The following AMOTL1 variants were observed in gnomAD, a reference collection of about 807,000 sequenced individuals.
AMOTL1 encodes angiomotin like 1.
Under a neutral mutation model 102.9 loss-of-function variants are expected in AMOTL1, and 45 were observed. The observed-to-expected ratio is 0.44, with a 90% CI of 0.34 to 0.56. The LOEUF (loss-of-function observed/expected upper bound fraction) is 0.56, where lower values mean the gene tolerates loss of function less well. AMOTL1 is among the 20% of genes least tolerant of loss of function. AMOTL1 has a pLI of 0.01. For synonymous variants in AMOTL1, 481 were observed against 484.7 expected (o/e 0.99, Z 0.10); for missense variants, 1,114 against 1,225.6 (o/e 0.91, Z 1.36).
At chr11:94,826,635 C>A (rs1000314161) in intron 4 of AMOTL1, among the ~76,000 whole-genome samples, 5 of 152,172 alleles carry the variant, frequency 3.3e-5, no homozygotes, top group Non-Finnish European at 7.3e-5. Context: ...TCTATTCCTG[C>A]AAAATCCAGT....
At chr11:94,835,511 A>G (rs1952161364) in intron 6 of AMOTL1, among the ~76,000 whole-genome samples, 1 of 152,258 alleles carries the variant, frequency 6.6e-6, no homozygotes, top group African/African-American at 2.4e-5. Context: ...CCAGAAAGCC[A>G]AAAATAAAAT....
intron 1 of AMOTL1, among the ~76,000 whole-genome samples, chr11:94,720,978 T>C (rs1200100014): frequency 2.0e-5 from 3 of 152,122 alleles, no homozygotes; most frequent in Non-Finnish European, 4.4e-5. Flanking sequence ...GAGGGTAAAT[T>C]TCAACAGGTA....
chr11:94,755,761 C>CT (rs1950715981), intron 3 of AMOTL1, among the ~76,000 whole-genome samples: 1 of 152,192 alleles, frequency 6.6e-6, no homozygotes, highest in Admixed American at 6.5e-5. Flanking sequence ...CCCACGGCAG[C>CT]ATCTAGGGTT....
chr11:94,756,069 G>A (rs1272406406), intron 3 of AMOTL1, among the ~76,000 whole-genome samples: 3 of 151,886 alleles, frequency 2.0e-5, no homozygotes, highest in African/African-American at 7.3e-5. Flanking sequence ...GAGTCAGGCT[G>A]CTCAGCAGCC....
chr11:94,854,296 C>T lies in AMOTL1; in HGVS notation c.1944+214C>T, dbSNP rs114486683. On this transcript the variant is annotated intron_variant, in intron 8 of 12. Coordinates refer to ENST00000433060, the MANE Select transcript of AMOTL1 (RefSeq NM_130847.3). ...GATGTCCTCACAGAGAGAAAGTGGTCGCCAGCTTGGGGCTGGGGAGAGCGG... is the reference window on the plus strand; with the variant it reads ...GATGTCCTCACAGAGAGAAAGTGGTTGCCAGCTTGGGGCTGGGGAGAGCGG... Among the ~76,000 whole-genome samples, 1,185 of 152,222 alleles carry T rather than the reference C, an allele frequency of 7.8e-3. 17 individuals carry two copies. The highest frequency in any genetic ancestry group is 0.027 in the African/African-American group (1,119 of 41,532).
chr11:94,854,319 C>T (rs965883006), intron 8 of AMOTL1, among the ~76,000 whole-genome samples: 2 of 152,064 alleles, frequency 1.3e-5, no homozygotes, highest in African/African-American at 2.4e-5. Flanking sequence ...CTGGGGAGAG[C>T]GGAATGCAGC....
At chr11:94,863,672 C>T (rs191496446) in intron 9 of AMOTL1, among the ~76,000 whole-genome samples, 9 of 152,298 alleles carry the variant, frequency 5.9e-5, no homozygotes, top group Admixed American at 3.9e-4. Context: ...TACATCATGT[C>T]TTACTAATTA....
rs956442508 is a variant in AMOTL1 at position 94,820,990 on chromosome 11, A to T, written c.1122-540A>T. Among the ~76,000 whole-genome samples, 2 of 152,296 alleles carry T rather than the reference A, an allele frequency of 1.3e-5. 1 individual carries two copies. Among genetic ancestry groups the T allele is most frequent in the South Asian group, 4.1e-4 (2 of 4,822 alleles). On this transcript the variant is annotated intron_variant, in intron 3 of 12. Transcript: ENST00000433060. ...TGGCCCAGTCCCTAATAGGCCACAG[A>T]TGTGTACTGGTCCATGGCCCAGTGG...
At position 94,869,181 on chromosome 11, in the gene AMOTL1, C is replaced by A; in HGVS notation, c.2489-17C>A. 6.5e-7 allele frequency: 1 copy of A among 1,541,850 alleles called. No homozygotes were observed. Among genetic ancestry groups the A allele is most frequent in the African/African-American group, 1.4e-5 (1 of 71,594 alleles). ...AAGGAAAAAAAGAATGTTGAAAAATCTGTTCTCTGCCCTCAGGATTGCTGC... is the reference window on the plus strand; with the variant it reads ...AAGGAAAAAAAGAATGTTGAAAAATATGTTCTCTGCCCTCAGGATTGCTGC... On this transcript the variant is annotated splice_polypyrimidine_tract_variant and intron_variant, in intron 11 of 12. Transcript: ENST00000433060.
At chr11:94,855,854 C>T (rs556258700) in intron 8 of AMOTL1, among the ~76,000 whole-genome samples, 12 of 152,322 alleles carry the variant, frequency 7.9e-5, no homozygotes, top group African/African-American at 2.9e-4. Flanking sequence ...ATGAAGGCTG[C>T]TGACAGGCTG....
At chr11:94,869,543 T>C in intron 12 of AMOTL1, 70 bp downstream of exon 12, 1 of 1,478,448 alleles carries the variant, frequency 6.8e-7, no homozygotes, top group Admixed American at 2.2e-5. Flanking sequence ...AATCTTTTGT[T>C]GAGCTAGAGA....
chr11:94,779,017 C>T (rs1476659525), intron 1 of AMOTL1, among the ~76,000 whole-genome samples: 1 of 151,556 alleles, frequency 6.6e-6, no homozygotes, highest in Admixed American at 6.6e-5. Context: ...TCTATCTTCT[C>T]TTGGCCAAGT....
At chr11:94,707,240 C>CTGTG (rs1334149987) in intron 1 of AMOTL1, among the ~76,000 whole-genome samples, 1 of 86,908 alleles carries the variant, frequency 1.2e-5, no homozygotes, top group African/African-American at 3.4e-5. Context: ...CTCTCTCTCT[C>CTGTG]TCTCTCTCTC....
intron 3 of AMOTL1, among the ~76,000 whole-genome samples, chr11:94,759,212 A>G (rs1800493437): frequency 6.6e-6 from 1 of 152,172 alleles, no homozygotes; most frequent in Admixed American, 6.5e-5. Context: ...TGCTAAAATC[A>G]TGGACTGGCT....
chr11:94,753,501 G>A (rs1950683397), intron 3 of AMOTL1, among the ~76,000 whole-genome samples: 1 of 152,096 alleles, frequency 6.6e-6, no homozygotes, highest in Non-Finnish European at 1.5e-5. Context: ...TTTATTGAGT[G>A]CTTTTCATGT....
At chr11:94,744,628 C>T (rs946118343) in intron 3 of AMOTL1, among the ~76,000 whole-genome samples, 13 of 151,740 alleles carry the variant, frequency 8.6e-5, no homozygotes, top group Admixed American at 8.5e-4. Context: ...GAAATTCCAA[C>T]TTTTTTTTTC....
At chr11:94,789,944 T>A (rs1951254895) in intron 1 of AMOTL1, among the ~76,000 whole-genome samples, 1 of 152,208 alleles carries the variant, frequency 6.6e-6, no homozygotes, top group South Asian at 2.1e-4. Flanking sequence ...CTTTGCCCGT[T>A]GGTGACATAA....
chr11:94,712,749 G>A (rs576764740), intron 1 of AMOTL1, among the ~76,000 whole-genome samples: 142 of 151,974 alleles, frequency 9.3e-4, no homozygotes, highest in African/African-American at 3.3e-3. Flanking sequence ...TTTATTAGAT[G>A]TATGGTTTGC....
chr11:94,819,806 T>A (rs79367784), intron 3 of AMOTL1, among the ~76,000 whole-genome samples: 2,678 of 152,348 alleles, frequency 0.018, 32 homozygotes, highest in African/African-American at 0.027. Context: ...GAGATCTGTC[T>A]CAGATACTTT....
Sources: allele counts gnomAD v4.1 joint callset (sites outside exome capture counted in the v4.1 genomes callset), GRCh38; gene constraint gnomAD v4.1.1; transcripts MANE v1.5; gene names NCBI Gene and HGNC (gene_info 2026-07-23, HGNC 2026-07-21).